PTPRE: variants seen among roughly 807,000 people sequenced by gnomAD.
The protein encoded by PTPRE is protein tyrosine phosphatase receptor type E.
In PTPRE, 51 loss-of-function variants were observed where a neutral mutation model predicts 102.0. The observed-to-expected ratio is 0.50, with a 90% CI of 0.40 to 0.63. The LOEUF is 0.63. PTPRE is among the 30% of genes least tolerant of loss of function. The pLI is 0.00. For synonymous variants in PTPRE, 345 were observed against 348.2 expected (o/e 0.99, Z 0.10); for missense variants, 752 against 915.1 (o/e 0.82, Z 2.30).
intron 2 of PTPRE, among the ~76,000 whole-genome samples, chr10:128,036,158 C>T (rs10764738): frequency 0.37 from 56,284 of 151,870 alleles, 10,937 homozygotes; most frequent in Admixed American, 0.45. Flanking sequence ...TGCCCTCCCC[C>T]GAGCCCAGCC....
intron 1 of PTPRE, among the ~76,000 whole-genome samples, chr10:127,940,889 T>C (rs1474505910): frequency 6.6e-6 from 1 of 152,242 alleles, no homozygotes; most frequent in Non-Finnish European, 1.5e-5. Flanking sequence ...ACTATGACTT[T>C]CCTGCAGGCA....
chr10:127,920,024 G>C (rs1407992832), intron 1 of PTPRE, among the ~76,000 whole-genome samples: 1 of 152,010 alleles, frequency 6.6e-6, no homozygotes, highest in African/African-American at 2.4e-5. Context: ...AGCCAGGCTC[G>C]GCGTGCTGTG....
chr10:127,969,792 G>T (rs1850574112), intron 1 of PTPRE, among the ~76,000 whole-genome samples: 1 of 152,168 alleles, frequency 6.6e-6, no homozygotes, highest in South Asian at 2.1e-4. Flanking sequence ...TTATACATCT[G>T]GAGAATCATG....
At chr10:127,935,486 G>A (rs960601547) in intron 1 of PTPRE, among the ~76,000 whole-genome samples, 1 of 152,090 alleles carries the variant, frequency 6.6e-6, no homozygotes, top group African/African-American at 2.4e-5. Flanking sequence ...TGGCCACTCT[G>A]TGGACAGCTG....
chr10:128,069,729 G>C lies in PTPRE; in HGVS notation c.1045G>C (p.Asp349His). 6.2e-7 allele frequency: 1 copy of C among 1,614,190 alleles called. No individual in the cohort carries two copies. The highest frequency in any genetic ancestry group is 1.1e-5 in the South Asian group (1 of 91,090). ...CCGGACGGGCACCTTCATTGTGATC[G>C]ATGCCATGATGGCCATGATGCACGC... ...VGRTGTFIVIDAMMAMMHAEQ... is the reference protein window; with the variant it reads ...VGRTGTFIVIHAMMAMMHAEQ... Residue 349 changes from aspartate to histidine, a missense_variant, in exon 13 of 21, where the codon GAT becomes CAT. This residue lies in a region of PTPRE where 636 missense variants were observed against 824.4 expected (regional missense o/e 0.77). Coordinates refer to ENST00000254667, the MANE Select transcript of PTPRE (RefSeq NM_006504.6).
rs1470438454 is a variant in PTPRE at position 128,069,434 on chromosome 10, C to A, written c.1008-258C>A. On this transcript the variant is annotated intron_variant, in intron 12 of 20. Transcript: ENST00000254667. Reference sequence around the variant, plus strand: ...TGGTAAGTGAGAAAAATTCTCCACACAGCCTAATCCGAGGCTTACTGCACC... The same window carrying A: ...TGGTAAGTGAGAAAAATTCTCCACAAAGCCTAATCCGAGGCTTACTGCACC... The A allele has an allele frequency of 1.3e-5, 6 of 476,334 alleles. No individual in the cohort carries two copies. In the Admixed American group the frequency reaches 2.1e-4, roughly 17 times the overall value. The allele number at this position is 476,334 out of a possible 1,614,324, so 29.5% of individuals were successfully genotyped here.
chr10:127,915,621 A>G (rs1186474014), intron 1 of PTPRE, among the ~76,000 whole-genome samples: 1 of 152,250 alleles, frequency 6.6e-6, no homozygotes, highest in African/African-American at 2.4e-5. Flanking sequence ...TAAAAATGCA[A>G]GAGCCAGAAA....
At chr10:128,022,104 C>A (rs2135696091) in intron 2 of PTPRE, among the ~76,000 whole-genome samples, 1 of 152,326 alleles carries the variant, frequency 6.6e-6, no homozygotes, top group East Asian at 1.9e-4. Context: ...CAGATAAAGT[C>A]AAATGAAAGT....
rs916170839 is a variant in PTPRE at position 128,063,001 on chromosome 10, C to T, written c.626-82C>T. The T allele has an allele frequency of 5.1e-6, 8 of 1,583,570 alleles. No homozygotes were observed. In the African/African-American group the frequency reaches 1.1e-4, roughly 21 times the overall value. On this transcript the variant is annotated intron_variant, in intron 9 of 20. Transcript: ENST00000254667. ...AGGGAGTGAACAGCTGTCCAGGGGC[C>T]AACGGCCAGGGTGCCGGGGCTGGGA... is the stretch of plus-strand genomic sequence containing the variant.
intron 2 of PTPRE, among the ~76,000 whole-genome samples, chr10:127,989,204 A>G (rs1200876239): frequency 2.6e-5 from 4 of 151,918 alleles, no homozygotes; most frequent in Non-Finnish European, 5.9e-5. Context: ...TTTTACATAT[A>G]CATATTATAT....
chr10:128,080,894 C>T (rs1369258600), intron 20 of PTPRE, among the ~76,000 whole-genome samples: 1 of 152,200 alleles, frequency 6.6e-6, no homozygotes, highest in Non-Finnish European at 1.5e-5. Context: ...AACCATCAGG[C>T]GTTGGGCGCA....
At chr10:128,056,065 A>G (rs917308814) in intron 6 of PTPRE, 58 bp from the exon 7 acceptor site, 147 of 1,348,118 alleles carry the variant, frequency 1.1e-4, no homozygotes, top group Non-Finnish European at 1.5e-4. Flanking sequence ...AGGGAAACTG[A>G]CATGAGCATG....
At chr10:128,006,608 G>A (rs1038192199) in intron 2 of PTPRE, among the ~76,000 whole-genome samples, 1 of 152,176 alleles carries the variant, frequency 6.6e-6, no homozygotes, top group Admixed American at 6.5e-5. Context: ...TCACCACGTG[G>A]AGCTGGAAGA....
intron 17 of PTPRE, among the ~76,000 whole-genome samples, chr10:128,073,911 A>C (rs895808907): frequency 6.6e-6 from 1 of 152,218 alleles, no homozygotes; most frequent in African/African-American, 2.4e-5. Flanking sequence ...TCTAAAAAGG[A>C]ACAGCTTTAT....
Position 128,068,264 on chromosome 10 carries a change from G to T in PTPRE, c.985G>T (p.Gly329Trp). 6.2e-7 allele frequency: 1 copy of T among 1,613,918 alleles called. No homozygotes were observed. The highest frequency in any genetic ancestry group is 1.7e-5 in the Admixed American group (1 of 60,004). The change falls in exon 12 of 21, where the codon GGG becomes TGG. Residue 329 changes from glycine to tryptophan, a missense_variant. By Grantham distance (184) the Gly-to-Trp change is radical. Around this residue, in one of 2 missense-constraint regions of PTPRE, gnomAD observed 636 missense variants for 824.4 expected, o/e 0.77. Coordinates refer to ENST00000254667, the MANE Select transcript of PTPRE (RefSeq NM_006504.6). ...KVKTLNPVHA[G>W]PIVVHCSAGV... is the part of the protein sequence containing the mutation. The stretch of plus-strand genomic sequence containing the variant: ...AAAGACGCTCAACCCCGTGCACGCT[G>T]GGCCCATCGTGGTCCACTGTAGGTA...
At chr10:127,978,219 GCAAAA>G (rs1339199723) in intron 1 of PTPRE, among the ~76,000 whole-genome samples, 1 of 151,984 alleles carries the variant, frequency 6.6e-6, no homozygotes, top group Non-Finnish European at 1.5e-5. Context: ...GACAAAAGAA[GCAAAA>G]CAAAACAAAA....
intron 8 of PTPRE, 67 bp downstream of exon 8, chr10:128,061,082 C>T: frequency 6.7e-7 from 1 of 1,491,938 alleles, no homozygotes; most frequent in Non-Finnish European, 9.3e-7. Context: ...ACTTTCTTGT[C>T]TGGTGCCCGG....
intron 1 of PTPRE, among the ~76,000 whole-genome samples, chr10:127,968,645 A>G (rs551927334): frequency 6.6e-6 from 1 of 152,328 alleles, no homozygotes; most frequent in Admixed American, 6.5e-5. Flanking sequence ...AGGTGGATTA[A>G]GGTATGGATG....
intron 1 of PTPRE, among the ~76,000 whole-genome samples, chr10:127,949,970 C>G (rs1848900387): frequency 6.6e-6 from 1 of 152,048 alleles, no homozygotes; most frequent in Admixed American, 6.5e-5. Flanking sequence ...TCTGATGGGA[C>G]TCACAGCCTC....
Sources: allele counts gnomAD v4.1 joint callset (sites outside exome capture counted in the v4.1 genomes callset), GRCh38; gene constraint gnomAD v4.1.1; regional missense constraint gnomAD v4.1.1; transcripts MANE v1.5; gene names NCBI Gene and HGNC (gene_info 2026-07-23, HGNC 2026-07-21).